HEPH: variants seen among roughly 807,000 people sequenced by gnomAD.
The protein encoded by HEPH is hephaestin.
A neutral mutation model predicts 80.8 loss-of-function variants in HEPH; 69 were observed. The observed-to-expected ratio is 0.85, with a 90% CI of 0.70 to 1.04. HEPH has a LOEUF of 1.04. HEPH is among the 50% of genes least tolerant of loss of function. The pLI, the probability that HEPH is intolerant of heterozygous loss-of-function variation, is 0.00. For missense variants in HEPH, 1,115 were observed against 891.3 expected, an observed-to-expected ratio of 1.25 and a Z score of -3.20; for synonymous variants, 431 against 322.8, an observed-to-expected ratio of 1.34 and a Z score of -3.60.
Position 66,208,224 on chromosome X carries a change from C to T in HEPH, c.2541C>T (p.Val847=), listed in dbSNP as rs1445753333. ...HAHGVLESTT[V]WPLAAEPGEV... is the part of the protein sequence containing the mutation. Reference sequence around the variant, plus strand: ...ATGGAGTGCTAGAATCTACTACTGTCTGGCCACTGGCTGCTGAGCCTGGTG... The same window carrying T: ...ATGGAGTGCTAGAATCTACTACTGTTTGGCCACTGGCTGCTGAGCCTGGTG... Residue 847 remains valine (V), a synonymous_variant, in exon 15 of 21, where the codon GTC becomes GTT. Transcript: ENST00000343002. The T allele has an allele frequency of 8.3e-7, 1 of 1,208,168 alleles. No homozygotes were observed. Among genetic ancestry groups the T allele is most frequent in the Admixed American group, 2.2e-5 (1 of 45,841 alleles).
chrX:66,179,380 C>G (rs978244358), intron 4 of HEPH, among the ~76,000 whole-genome samples: 1 of 111,418 alleles, frequency 9.0e-6, no homozygotes, highest in African/African-American at 3.3e-5. Flanking sequence ...CAGGTAGCGT[C>G]ATGCCTCCAG....
chrX:66,230,281 G>A lies in HEPH; in HGVS notation c.2563+22035G>A, dbSNP rs1277065009. On this transcript the variant is annotated intron_variant, in intron 15 of 20. Transcript: ENST00000343002. The stretch of plus-strand genomic sequence containing the variant: ...AGCAGCATGATTTATAGTCATTTGG[G>A]TATATACCCAGTAATGGGATGGCTG... 4.4e-3 allele frequency among the ~76,000 whole-genome samples: 419 copies of A among 95,793 alleles called. 1 individual carries two copies. Among genetic ancestry groups the A allele is most frequent in the Non-Finnish European group, 7.2e-3 (360 of 49,744 alleles). The allele number at this position is 95,793 out of a possible 115,157, so 83.2% of individuals were successfully genotyped here. A position where few individuals can be genotyped will look rare whatever the true frequency, so the allele number is the denominator to read the frequency against.
chrX:66,203,768 G>T (rs1363382562), intron 13 of HEPH, among the ~76,000 whole-genome samples, 191 bp downstream of exon 13: 1 of 111,228 alleles, frequency 9.0e-6, no homozygotes, highest in Non-Finnish European at 1.9e-5. Context: ...TATAGGGAGG[G>T]AATAAAGCTT....
intron 8 of HEPH, among the ~76,000 whole-genome samples, chrX:66,194,496 C>T (rs2087980494): frequency 8.9e-6 from 1 of 112,043 alleles, no homozygotes; most frequent in Admixed American, 9.5e-5. Context: ...TACTTTTTGT[C>T]TGCTTCAAAG....
At chrX:66,173,962 A>ATT (rs58062602) in intron 4 of HEPH, among the ~76,000 whole-genome samples, 161 bp downstream of exon 4, 30 of 102,404 alleles carry the variant, frequency 2.9e-4, no homozygotes, top group African/African-American at 9.5e-4. Flanking sequence ...ACTTTGCACT[A>ATT]TTTTTTTTTT....
At chrX:66,176,803 A>C (rs960728353) in intron 4 of HEPH, among the ~76,000 whole-genome samples, 2 of 111,258 alleles carry the variant, frequency 1.8e-5, no homozygotes, top group African/African-American at 3.3e-5. Context: ...TTCCAGCTTC[A>C]TCCATGTCCC....
At chrX:66,256,512 C>T (rs1380436370) in intron 17 of HEPH, among the ~76,000 whole-genome samples, 182 bp downstream of exon 17, 2 of 111,757 alleles carry the variant, frequency 1.8e-5, no homozygotes, top group African/African-American at 6.5e-5. Context: ...TATACAAAGG[C>T]AGATATGTGG....
In HEPH at chrX:66,193,541, T is replaced by TG; in HGVS notation, c.1277dup (p.Thr427HisfsTer8). ...TTTTCCAGAAGAGCTCCAGCCGAAT[T>TG]GGGGGCACTTACTGGAAAGTGCGAT... On this transcript the variant is annotated frameshift_variant, in exon 8 of 21. Transcript: ENST00000343002. LOFTEE classifies it high-confidence loss of function. 1 of 1,187,623 alleles carries TG rather than the reference T, an allele frequency of 8.4e-7. No individual in the cohort carries two copies. The highest frequency in any genetic ancestry group is 2.2e-5 in the Admixed American group (1 of 44,787).
intron 15 of HEPH, among the ~76,000 whole-genome samples, chrX:66,214,851 T>A (rs2089318926): frequency 9.0e-6 from 1 of 111,610 alleles, no homozygotes; most frequent in Non-Finnish European, 1.9e-5. Context: ...GTTATATTTG[T>A]CAATTCAGTT....
At chrX:66,165,551 G>A (rs756058193) in intron 1 of HEPH, among the ~76,000 whole-genome samples, 93 of 111,109 alleles carry the variant, frequency 8.4e-4, no homozygotes, top group African/African-American at 2.9e-3. Flanking sequence ...GAGCATTGTC[G>A]CAATAAAGGA....
At chrX:66,232,913 T>C (rs2090211240) in intron 15 of HEPH, among the ~76,000 whole-genome samples, 1 of 110,038 alleles carries the variant, frequency 9.1e-6, no homozygotes, top group Admixed American at 9.7e-5. Flanking sequence ...TGATTGGACT[T>C]AATGGGCCCA....
chrX:66,206,988 G>T (rs2088814359), intron 13 of HEPH, among the ~76,000 whole-genome samples: 1 of 109,063 alleles, frequency 9.2e-6, no homozygotes, highest in Non-Finnish European at 1.9e-5. Flanking sequence ...TTGCACTCCA[G>T]CCTGGGCAAC....
At chrX:66,255,257 C>T (rs947830511) in intron 16 of HEPH, 116 bp downstream of exon 16, 1 of 421,903 alleles carries the variant, frequency 2.4e-6, no homozygotes, top group Admixed American at 4.0e-5. Context: ...ATTTGGGGAA[C>T]ATTCTTCAAA....
At chrX:66,235,827 G>A (rs1269488310) in intron 15 of HEPH, among the ~76,000 whole-genome samples, 1 of 111,765 alleles carries the variant, frequency 8.9e-6, no homozygotes, top group Non-Finnish European at 1.9e-5. Flanking sequence ...GTCTATTCAT[G>A]ATCCCATATT....
At chrX:66,164,500 C>A in intron 1 of HEPH, 30 bp downstream of exon 1, 2 of 747,994 alleles carry the variant, frequency 2.7e-6, no homozygotes, top group Non-Finnish European at 1.6e-6. Flanking sequence ...TTTTCAAACT[C>A]TACCTCACCT....
At chrX:66,243,942 C>T (rs2090706020) in intron 15 of HEPH, among the ~76,000 whole-genome samples, 1 of 111,604 alleles carries the variant, frequency 9.0e-6, no homozygotes, top group Admixed American at 9.5e-5. Flanking sequence ...AGCTTAGTTT[C>T]ACTGGTTATG....
At chrX:66,189,335 C>T (rs781484885) in intron 5 of HEPH, among the ~76,000 whole-genome samples, 27 of 112,350 alleles carry the variant, frequency 2.4e-4, no homozygotes, top group Non-Finnish European at 4.3e-4. Flanking sequence ...AATGAAACCA[C>T]CCTGAAAGAA....
downstream of HEPH, chrX:66,268,697 A>G (rs2091589462): frequency 9.0e-6 from 1 of 111,548 alleles, no homozygotes; most frequent in South Asian, 3.8e-4. Context: ...TTATTTTGTA[A>G]TCCTGCTCCA....
intron 12 of HEPH, among the ~76,000 whole-genome samples, chrX:66,202,376 A>C (rs971361250): frequency 1.8e-5 from 2 of 111,792 alleles, no homozygotes; most frequent in African/African-American, 6.5e-5. Context: ...CAGGAAGAAG[A>C]GTTTGTAGTG....
Sources: gnomAD v4.1 joint callset for allele counts (sites outside exome capture counted in the v4.1 genomes callset) on GRCh38, gnomAD v4.1.1 for gene constraint, MANE v1.5 for transcripts, NCBI Gene and HGNC (gene_info 2026-07-23, HGNC 2026-07-21) for gene names.